Variants in PCDHGA2 observed in about 807,000 individuals in gnomAD.
The protein encoded by PCDHGA2 is protocadherin gamma subfamily A, 2, also known as protocadherin gamma-A2.
PCDHGA2 carries 40 observed loss-of-function variants against 59.2 expected under a neutral mutation model. That is an observed-to-expected ratio of 0.68 (90% CI 0.52 to 0.88). PCDHGA2 has a LOEUF of 0.88. Among genes scored for constraint, PCDHGA2 ranks in the 40% least tolerant of loss-of-function variants. PCDHGA2 has a pLI of 0.00. For synonymous variants in PCDHGA2, 560 were observed against 526.0 expected, an observed-to-expected ratio of 1.06 and a Z score of -0.89; for missense variants, 1,226 against 1,204.0, an observed-to-expected ratio of 1.02 and a Z score of -0.27.
chr5:141,372,593 CA>C, intron 1 of PCDHGA2: 1 of 1,614,030 alleles, frequency 6.2e-7, no homozygotes, highest in South Asian at 1.1e-5. Flanking sequence ...GTGTCTGCTT[CA>C]AGACTGTACC....
In PCDHGA2 at chr5:141,489,993, C is replaced by A; in HGVS notation, c.2425-4814C>A. 6.2e-7 allele frequency: 1 copy of A among 1,614,186 alleles called. No individual in the cohort carries two copies. The highest frequency in any genetic ancestry group is 1.1e-5 in the South Asian group (1 of 91,088). On this transcript the variant is annotated intron_variant, in intron 1 of 3. Transcript: ENST00000394576. The surrounding 1 kb of genome is among the most constrained non-coding windows in gnomAD (Gnocchi z 4.5). ...AATCCTCAGTTCTACGTGTGGGAATCCCAGAGAATGCACCCATTGGTACTC... is the reference window on the plus strand; with the variant it reads ...AATCCTCAGTTCTACGTGTGGGAATACCAGAGAATGCACCCATTGGTACTC...
chr5:141,350,881 A>C, intron 1 of PCDHGA2: 1 of 1,614,060 alleles, frequency 6.2e-7, no homozygotes, highest in Non-Finnish European at 8.5e-7. Context: ...CTCATCGCTT[A>C]ATCCTGACTG....
Position 141,512,171 on chromosome 5 carries a change from T to C in PCDHGA2, c.*998T>C, listed in dbSNP as rs140884268. ...GGGCTGAGCTAACAGGACCAATGGA[T>C]TAAACTGGCATTTCAGTCCAAGGAA... On this transcript the variant is annotated 3_prime_UTR_variant, in exon 4 of 4. Transcript: ENST00000394576. 584 of 152,796 alleles carry C rather than the reference T, an allele frequency of 3.8e-3. 5 individuals carry two copies. The highest frequency in any genetic ancestry group is 0.011 in the Admixed American group (167 of 15,298). The allele number at this position is 152,796 out of a possible 1,614,324, so 9.5% of individuals were successfully genotyped here. A position where few individuals can be genotyped will look rare whatever the true frequency, so the allele number is the denominator to read the frequency against.
Position 141,351,825 on chromosome 5 carries a change from G to A in PCDHGA2, c.2424+10430G>A, listed in dbSNP as rs370366881. The A allele has an allele frequency of 6.2e-6, 10 of 1,613,082 alleles. No homozygotes were observed. The African/African-American group carries it at 8.0e-5, about 13-fold the overall frequency. ...CGCGCCTTCGACCACGAGCAGCTGCGCGCCTTCGAGCTCACACTGCAGGCC... is the reference window on the plus strand; with the variant it reads ...CGCGCCTTCGACCACGAGCAGCTGCACGCCTTCGAGCTCACACTGCAGGCC... On this transcript the variant is annotated intron_variant, in intron 1 of 3. Coordinates refer to ENST00000394576, the MANE Select transcript of PCDHGA2 (RefSeq NM_018915.4).
In PCDHGA2 at chr5:141,340,922, C is replaced by T. The variant is rs922207827; in HGVS notation, c.1951C>T (p.Gln651Ter). ...CGTGGTGGCCATCCAGGACCACGGC[C>T]AGCCCCCTCTCTCCGCCACTGTCAC... ...SLVVAIQDHG[Q>*]PPLSATVTLT... The change falls in exon 1 of 4, where the codon CAG becomes TAG. Residue 651 changes from glutamine to a stop codon, truncating the protein, a stop_gained. Coordinates refer to ENST00000394576, the MANE Select transcript of PCDHGA2 (RefSeq NM_018915.4). LOFTEE classifies it high-confidence loss of function. 7 of 1,613,690 alleles carry T rather than the reference C, an allele frequency of 4.3e-6. No individual in the cohort carries two copies. In the African/African-American group the frequency reaches 9.3e-5, roughly 22 times the overall value.
At chr5:141,354,997 A>G in intron 1 of PCDHGA2, 2 of 704,394 alleles carry the variant, frequency 2.8e-6, no homozygotes, top group Non-Finnish European at 2.1e-6. Flanking sequence ...AATCAGGGGG[A>G]AAAGACAAAC....
intron 1 of PCDHGA2, chr5:141,360,538 C>T: frequency 1.9e-6 from 3 of 1,613,954 alleles, no homozygotes; most frequent in Non-Finnish European, 2.5e-6. Context: ...GCTATTCAAA[C>T]AGACTAAGAT....
intron 1 of PCDHGA2, chr5:141,419,310 A>G: frequency 6.2e-7 from 1 of 1,613,948 alleles, no homozygotes; most frequent in Non-Finnish European, 8.5e-7. Flanking sequence ...TTCGGGCTCA[A>G]CGGCCGTGTC....
intron 1 of PCDHGA2, among the ~76,000 whole-genome samples, chr5:141,470,014 A>G (rs1394478856): frequency 6.6e-6 from 1 of 152,200 alleles, no homozygotes; most frequent in Non-Finnish European, 1.5e-5. Flanking sequence ...CTGTAATCCC[A>G]GCTACTCGGG....
chr5:141,384,443 A>G, intron 1 of PCDHGA2: 1 of 1,614,030 alleles, frequency 6.2e-7, no homozygotes, highest in Non-Finnish European at 8.5e-7. Flanking sequence ...GGAGTCCTGT[A>G]CGCGCTGCAA....
At chr5:141,343,673 C>T (rs554073712) in intron 1 of PCDHGA2, among the ~76,000 whole-genome samples, 33 of 152,222 alleles carry the variant, frequency 2.2e-4, no homozygotes, top group Non-Finnish European at 4.1e-4. Flanking sequence ...CAATTATGTT[C>T]AATCAACACT....
chr5:141,340,875 G>A lies in PCDHGA2; in HGVS notation c.1904G>A (p.Arg635Lys). The A allele has an allele frequency of 1.9e-6, 3 of 1,613,674 alleles. No homozygotes were observed. The highest frequency in any genetic ancestry group is 2.5e-6 in the Non-Finnish European group (3 of 1,179,922). ...EVRTARALLD[R>K]DALKQSLVVA... ...CGCACGGCGCGAGCCCTGCTGGACA[G>A]AGACGCGCTCAAGCAGAGCCTCGTG... Residue 635 changes from arginine (R) to lysine (K), a missense_variant, in exon 1 of 4, where the codon AGA (arginine) becomes AAA (lysine). By Grantham distance (26) the Arg-to-Lys change is conservative. Coordinates refer to ENST00000394576, the MANE Select transcript of PCDHGA2 (RefSeq NM_018915.4).
intron 1 of PCDHGA2, chr5:141,410,847 G>GTTTTTTT (rs773839667): frequency 8.8e-5 from 14 of 158,320 alleles, no homozygotes; most frequent in African/African-American, 4.2e-4. Flanking sequence ...TTTTGTCTTT[G>GTTTTTTT]TCTTTTTTTT....
At chr5:141,395,423 C>A in intron 1 of PCDHGA2, 1 of 731,386 alleles carries the variant, frequency 1.4e-6, no homozygotes, top group Non-Finnish European at 2.1e-6. Context: ...GTTTCATTTG[C>A]TTTTAAACGA....
chr5:141,404,210 A>G (rs927879028), intron 1 of PCDHGA2: 11 of 1,613,840 alleles, frequency 6.8e-6, no homozygotes, highest in Non-Finnish European at 9.3e-6. Context: ...AGAATATAAT[A>G]TCACGGTGAC....
At chr5:141,343,313 G>A (rs568916590) in intron 1 of PCDHGA2, 3 of 975,900 alleles carry the variant, frequency 3.1e-6, no homozygotes, top group Admixed American at 6.1e-5. Flanking sequence ...GCTGATTTCT[G>A]TGTGTTTCTT....
chr5:141,354,406 A>G (rs1192533081), intron 1 of PCDHGA2, among the ~76,000 whole-genome samples: 1 of 152,244 alleles, frequency 6.6e-6, no homozygotes, highest in Admixed American at 6.5e-5. Context: ...TCTACTGTAC[A>G]CAAAATTAAG....
chr5:141,456,712 C>T (rs1025899058), intron 1 of PCDHGA2, among the ~76,000 whole-genome samples: 2 of 152,190 alleles, frequency 1.3e-5, no homozygotes, highest in African/African-American at 4.8e-5. Context: ...CGCCTGTAAT[C>T]CCAGCACTTT....
At chr5:141,479,090 T>G (rs1424205731) in intron 1 of PCDHGA2, among the ~76,000 whole-genome samples, 2 of 152,244 alleles carry the variant, frequency 1.3e-5, no homozygotes, top group Non-Finnish European at 2.9e-5. Flanking sequence ...CCAGGCATCC[T>G]TTAAATTTTA....
Sources: allele counts gnomAD v4.1 joint callset (sites outside exome capture counted in the v4.1 genomes callset), GRCh38; gene constraint gnomAD v4.1.1; non-coding constraint Gnocchi (gnomAD v3.1); transcripts MANE v1.5; gene names NCBI Gene and HGNC (gene_info 2026-07-23, HGNC 2026-07-21).